THSD7B: variants seen among roughly 807,000 people sequenced by gnomAD.
THSD7B encodes thrombospondin type 1 domain containing 7B.
THSD7B carries 138 observed loss-of-function variants against 213.6 expected under a neutral mutation model. The ratio of observed to expected loss-of-function variants is 0.65; its 90% CI spans 0.56 to 0.74. THSD7B has a LOEUF of 0.74. Among genes scored for constraint, THSD7B ranks in the 30% least tolerant of loss-of-function variants. The probability of loss-of-function intolerance (pLI) is 0.00; values close to 1 mark genes in which losing one functional copy is unlikely to be tolerated. For missense variants in THSD7B, 1,931 were observed against 1,991.5 expected, an observed-to-expected ratio of 0.97 and a Z score of 0.58; for synonymous variants, 742 against 687.0, an observed-to-expected ratio of 1.08 and a Z score of -1.25.
intron 10 of THSD7B, among the ~76,000 whole-genome samples, chr2:137,253,044 G>A (rs545473162): frequency 6.6e-6 from 1 of 150,908 alleles, no homozygotes; most frequent in South Asian, 2.1e-4. Flanking sequence ...ACACCTTCAT[G>A]TGGAATAGAA....
intron 10 of THSD7B, among the ~76,000 whole-genome samples, chr2:137,257,915 A>C (rs946276961): frequency 3.3e-5 from 5 of 152,210 alleles, no homozygotes; most frequent in Non-Finnish European, 7.3e-5. Context: ...GGGACCTTGC[A>C]TGAGGAACAG....
chr2:137,584,808 G>T (rs1023367136), intron 17 of THSD7B, among the ~76,000 whole-genome samples: 17 of 152,004 alleles, frequency 1.1e-4, no homozygotes, highest in Non-Finnish European at 2.1e-4. Context: ...TTTTTTTGTT[G>T]TGTCTCTGTC....
chr2:137,459,821 T>A (rs1687848560), intron 15 of THSD7B, among the ~76,000 whole-genome samples: 1 of 152,120 alleles, frequency 6.6e-6, no homozygotes, highest in Non-Finnish European at 1.5e-5. Context: ...AAAACAGCTT[T>A]CCAGGCACCT....
intron 21 of THSD7B, among the ~76,000 whole-genome samples, chr2:137,653,778 T>C (rs936752918): frequency 6.7e-6 from 1 of 149,514 alleles, no homozygotes; most frequent in Non-Finnish European, 1.5e-5. Context: ...AAAATTATTA[T>C]TTCAAACTGT....
chr2:137,112,363 T>G (rs1468619921), intron 4 of THSD7B, among the ~76,000 whole-genome samples: 2 of 150,078 alleles, frequency 1.3e-5, no homozygotes, highest in African/African-American at 2.4e-5. Context: ...TCTGAGGTGG[T>G]AAAAAAAAAA....
chr2:137,302,019 G>T (rs1417224009), intron 12 of THSD7B, among the ~76,000 whole-genome samples: 1 of 152,110 alleles, frequency 6.6e-6, no homozygotes, highest in East Asian at 1.9e-4. Flanking sequence ...CCAGGGGAAT[G>T]ATGATGTGAC....
rs571962391 is a variant in THSD7B, at chr2:137,398,483, A to T, written c.2501-7130A>T. Among the ~76,000 whole-genome samples the T allele has an allele frequency of 2.7e-3, 407 of 152,086 alleles. 2 individuals carry two copies. Among genetic ancestry groups the T allele is most frequent in the African/African-American group, 9.5e-3 (395 of 41,516 alleles). On this transcript the variant is annotated intron_variant, in intron 12 of 27. Transcript: ENST00000409968. ...CTCCCAGTTAGGCTGCTCGAGGGTC[A>T]GGGGTCAGGGACCCACTTGAGGAGG...
intron 2 of THSD7B, among the ~76,000 whole-genome samples, chr2:137,006,874 A>G (rs1686123825): frequency 6.6e-6 from 1 of 152,190 alleles, no homozygotes; most frequent in African/African-American, 2.4e-5. Flanking sequence ...ATGGATTTGA[A>G]TATTTTTGAA....
rs568597367 is a variant in THSD7B, at chr2:137,231,144, G to T, written c.1824G>T (p.Thr608=). 1.2e-6 allele frequency: 2 copies of T among 1,613,632 alleles called. No individual in the cohort carries two copies. Among genetic ancestry groups the T allele is most frequent in the African/African-American group, 2.7e-5 (2 of 74,898 alleles). ...CRMDCVLSEW[T]EWSSCSQSCS... is the part of the protein sequence containing the mutation. ...TGGACTGTGTGCTGAGCGAGTGGAC[G>T]GAGTGGTCATCCTGTTCCCAGTCCT... Residue 608 remains threonine (T), a synonymous_variant, in exon 8 of 28, where the codon ACG becomes ACT. Transcript: ENST00000409968.
chr2:137,382,573 G>T (rs987580313), intron 12 of THSD7B, among the ~76,000 whole-genome samples: 4 of 152,224 alleles, frequency 2.6e-5, no homozygotes, highest in Non-Finnish European at 5.9e-5. Flanking sequence ...CTTCAGGCTT[G>T]TGAGAGTATG....
intron 1 of THSD7B, among the ~76,000 whole-genome samples, chr2:136,821,115 T>C (rs1402513799): frequency 3.3e-5 from 5 of 152,224 alleles, no homozygotes; most frequent in Non-Finnish European, 7.3e-5. Flanking sequence ...GTGAGTTTGA[T>C]GTTTTTAATG....
At chr2:137,221,012 C>A (rs182383757) in intron 7 of THSD7B, among the ~76,000 whole-genome samples, 1 of 152,178 alleles carries the variant, frequency 6.6e-6, no homozygotes, top group Admixed American at 6.5e-5. Context: ...CCTTCTCAGT[C>A]GTTCCGAAAA....
chr2:136,788,550 A>T (rs1681909431), intron 1 of THSD7B, among the ~76,000 whole-genome samples: 1 of 152,032 alleles, frequency 6.6e-6, no homozygotes, highest in East Asian at 1.9e-4. Context: ...TTTATATTTG[A>T]TTTTTTTTCC....
chr2:137,404,761 A>C lies in THSD7B; in HGVS notation c.2501-852A>C, dbSNP rs1686470803. 2.0e-5 allele frequency among the ~76,000 whole-genome samples: 3 copies of C among 152,070 alleles called. No individual in the cohort carries two copies. In the South Asian group the frequency reaches 6.2e-4, roughly 32 times the overall value. ...TGAGTGAAGTAACTCAGGAATGGAA[A>C]ACCAAACATCATATGCTCTCACTGA... On this transcript the variant is annotated intron_variant, in intron 12 of 27. Transcript: ENST00000409968.
At chr2:137,275,330 G>T (rs80306761) in intron 11 of THSD7B, among the ~76,000 whole-genome samples, 4,061 of 152,084 alleles carry the variant, frequency 0.027, 105 homozygotes, top group Middle Eastern at 0.095. Flanking sequence ...CTATTGAGAT[G>T]TTTGATTTAC....
intron 7 of THSD7B, among the ~76,000 whole-genome samples, chr2:137,184,662 ATG>A (rs1329963411): frequency 6.6e-6 from 1 of 152,142 alleles, no homozygotes; most frequent in Non-Finnish European, 1.5e-5. Flanking sequence ...TATTGTCTAT[ATG>A]TCATATGTCT....
At chr2:137,082,705 T>C (rs1427730819) in intron 3 of THSD7B, among the ~76,000 whole-genome samples, 2 of 152,104 alleles carry the variant, frequency 1.3e-5, no homozygotes, top group Non-Finnish European at 2.9e-5. Context: ...ATTGCTGATA[T>C]TGCTTATATC....
At chr2:137,657,993 G>A (rs555883295) in intron 24 of THSD7B, among the ~76,000 whole-genome samples, 1 of 152,074 alleles carries the variant, frequency 6.6e-6, no homozygotes, top group Non-Finnish European at 1.5e-5. Flanking sequence ...TTACAGGCGT[G>A]AGCCACCACG....
At chr2:137,564,508 C>G (rs887592694) in intron 16 of THSD7B, among the ~76,000 whole-genome samples, 1 of 152,106 alleles carries the variant, frequency 6.6e-6, no homozygotes. Context: ...AAATTTGGAG[C>G]TTTTACCTTT....
Sources: gnomAD v4.1 joint callset for allele counts (sites outside exome capture counted in the v4.1 genomes callset) on GRCh38, gnomAD v4.1.1 for gene constraint, MANE v1.5 for transcripts, NCBI Gene and HGNC (gene_info 2026-07-23, HGNC 2026-07-21) for gene names.